The following CCDC3 variants were observed in gnomAD, a reference collection of about 807,000 sequenced individuals.
CCDC3 encodes coiled-coil domain containing 3.
A neutral mutation model predicts 21.4 loss-of-function variants in CCDC3; 24 were observed. That is an observed-to-expected ratio of 1.12 (90% confidence interval 0.81 to 1.58). The LOEUF is 1.58. Ranked by LOEUF, CCDC3 falls within the 40% of genes most tolerant of loss-of-function variation. The probability of loss-of-function intolerance (pLI) is 0.00; values close to 1 mark genes in which losing one functional copy is unlikely to be tolerated. For missense variants in CCDC3, 425 were observed against 360.9 expected, an observed-to-expected ratio of 1.18 and a Z score of -1.44; for synonymous variants, 186 against 166.0, an observed-to-expected ratio of 1.12 and a Z score of -0.93.
intron 3 of CCDC3, among the ~76,000 whole-genome samples, chr10:13,090,449 A>G (rs866147017): frequency 6.6e-5 from 10 of 152,196 alleles, no homozygotes; most frequent in African/African-American, 9.6e-5. Context: ...CATTTTTGCA[A>G]TTGCAAATTG....
At chr10:13,009,908 T>A (rs1409328626) in intron 5 of CCDC3, among the ~76,000 whole-genome samples, 1 of 152,164 alleles carries the variant, frequency 6.6e-6, no homozygotes, top group East Asian at 1.9e-4. Flanking sequence ...GCAAATCATA[T>A]ATCTGATAAA....
At chr10:12,981,057 G>A (rs935970917) in intron 2 of CCDC3, among the ~76,000 whole-genome samples, 2 of 151,568 alleles carry the variant, frequency 1.3e-5, no homozygotes, top group African/African-American at 4.9e-5. Flanking sequence ...TTTTTTTTAA[G>A]AGACAGGGTC....
intron 4 of CCDC3, among the ~76,000 whole-genome samples, chr10:13,072,678 CT>C (rs907082880): frequency 6.2e-5 from 6 of 97,286 alleles, no homozygotes; most frequent in Admixed American, 1.3e-4. Context: ...TGAGTTTTTT[CT>C]TTTTTTTTCC....
At chr10:13,084,933 C>T (rs775587045) in intron 3 of CCDC3, among the ~76,000 whole-genome samples, 30 of 152,258 alleles carry the variant, frequency 2.0e-4, no homozygotes, top group African/African-American at 5.8e-4. Context: ...CAGAAAATCA[C>T]GCCCTCCAAC....
At chr10:12,904,561 G>A (rs1834143509) in intron 2 of CCDC3, among the ~76,000 whole-genome samples, 1 of 151,844 alleles carries the variant, frequency 6.6e-6, no homozygotes, top group Non-Finnish European at 1.5e-5. Flanking sequence ...GGGAGGGATG[G>A]CAAGATGGGG....
intron 4 of CCDC3, among the ~76,000 whole-genome samples, chr10:13,073,239 C>G (rs1836908858): frequency 6.6e-6 from 1 of 152,160 alleles, no homozygotes; most frequent in African/African-American, 2.4e-5. Context: ...CCGGGGCAAA[C>G]TATGGTAGAT....
chr10:13,076,140 G>T (rs917746248), intron 3 of CCDC3, among the ~76,000 whole-genome samples: 1 of 152,158 alleles, frequency 6.6e-6, no homozygotes, highest in Non-Finnish European at 1.5e-5. Flanking sequence ...GGCAGGTCTC[G>T]ATGGCTAACT....
At chr10:13,079,827 C>T (rs371900311) in intron 3 of CCDC3, among the ~76,000 whole-genome samples, 112 of 151,962 alleles carry the variant, frequency 7.4e-4, no homozygotes, top group Middle Eastern at 3.4e-3. Flanking sequence ...GGGTGGCTGG[C>T]AGAGGCAGGG....
chr10:13,099,022 A>C (rs1375431257), intron 2 of CCDC3: 1 of 150,646 alleles, frequency 6.6e-6, no homozygotes, highest in Non-Finnish European at 1.5e-5. Flanking sequence ...GCCCTCCTGC[A>C]CTGATATAAA....
intron 2 of CCDC3, among the ~76,000 whole-genome samples, chr10:12,933,911 T>A (rs1202892243): frequency 2.0e-5 from 3 of 152,268 alleles, no homozygotes; most frequent in Non-Finnish European, 4.4e-5. Flanking sequence ...TCAGCTCTTT[T>A]GATTATTTTC....
At chr10:13,085,898 TG>T (rs1221706704) in intron 3 of CCDC3, among the ~76,000 whole-genome samples, 1 of 150,734 alleles carries the variant, frequency 6.6e-6, no homozygotes, top group Non-Finnish European at 1.5e-5. Flanking sequence ...ATCCGGGAGC[TG>T]GGGGTTGCAG....
chr10:12,934,864 C>T (rs1432295748), intron 2 of CCDC3, among the ~76,000 whole-genome samples: 1 of 152,008 alleles, frequency 6.6e-6, no homozygotes, highest in Non-Finnish European at 1.5e-5. Flanking sequence ...AACTCCTAGG[C>T]TCAATCTTCC....
At chr10:12,920,328 C>T (rs1000053204) in intron 2 of CCDC3, among the ~76,000 whole-genome samples, 8 of 152,152 alleles carry the variant, frequency 5.3e-5, no homozygotes, top group African/African-American at 1.9e-4. Flanking sequence ...TTATCTCCCA[C>T]GGGGTCCTTC....
chr10:12,999,256 A>G (rs899576857), intron 1 of CCDC3, among the ~76,000 whole-genome samples: 2 of 152,170 alleles, frequency 1.3e-5, no homozygotes, highest in Non-Finnish European at 2.9e-5. Flanking sequence ...AAGAACATAT[A>G]TAAGTAAAAA....
intron 3 of CCDC3, among the ~76,000 whole-genome samples, chr10:13,088,616 G>A (rs1372491732): frequency 6.6e-6 from 1 of 152,186 alleles, no homozygotes; most frequent in Non-Finnish European, 1.5e-5. Context: ...AATGAGACAG[G>A]CTGCCGCTCA....
chr10:13,031,402 T>C (rs1391351139), intron 5 of CCDC3, among the ~76,000 whole-genome samples: 1 of 152,070 alleles, frequency 6.6e-6, no homozygotes, highest in Non-Finnish European at 1.5e-5. Context: ...AGGAAAGATC[T>C]AAAATTGACA....
At chr10:13,008,631 T>C (rs184110788) in intron 5 of CCDC3, among the ~76,000 whole-genome samples, 2 of 152,380 alleles carry the variant, frequency 1.3e-5, no homozygotes, top group Middle Eastern at 3.4e-3. Flanking sequence ...CATGAATTCA[T>C]AGATTTTAAT....
intron 5 of CCDC3, among the ~76,000 whole-genome samples, chr10:13,012,700 G>A (rs1243614003): frequency 6.6e-6 from 1 of 152,016 alleles, no homozygotes; most frequent in African/African-American, 2.4e-5. Context: ...CAACCCGGGA[G>A]GCAGACGTTG....
At chr10:13,041,828 G>T in intron 5 of CCDC3, among the ~76,000 whole-genome samples, 1 of 148,788 alleles carries the variant, frequency 6.7e-6, no homozygotes, top group South Asian at 2.1e-4. Context: ...AAGAGACCAG[G>T]GTTGGCCAGG....
Sources: gnomAD v4.1 joint callset for allele counts (sites outside exome capture counted in the v4.1 genomes callset) on GRCh38, gnomAD v4.1.1 for gene constraint, MANE v1.5 for transcripts, NCBI Gene and HGNC (gene_info 2026-07-23, HGNC 2026-07-21) for gene names.